The following PID1 variants were observed in gnomAD, a reference collection of about 807,000 sequenced individuals.
The protein encoded by PID1 is phosphotyrosine interaction domain containing 1, also known as PTB-containing, cubilin and LRP1-interacting protein.
A neutral mutation model predicts 19.1 loss-of-function variants in PID1; 10 were observed. The observed-to-expected ratio is 0.52, with a 90% CI of 0.32 to 0.89. The LOEUF (loss-of-function observed/expected upper bound fraction) is 0.89, where lower values mean the gene tolerates loss of function less well. Among genes scored for constraint, PID1 ranks in the 40% least tolerant of loss-of-function variants. The pLI is 0.03. For synonymous variants in PID1, 130 were observed against 116.0 expected (o/e 1.12, Z -0.78); for missense variants, 248 against 285.3 (o/e 0.87, Z 0.94).
At chr2:229,168,642 T>C (rs967444465) in intron 1 of PID1, among the ~76,000 whole-genome samples, 1 of 152,222 alleles carries the variant, frequency 6.6e-6, no homozygotes, top group African/African-American at 2.4e-5. Flanking sequence ...TTAATCATCA[T>C]TATTTTAAAT....
intron 1 of PID1, among the ~76,000 whole-genome samples, chr2:229,192,241 T>C (rs770277343): frequency 5.3e-5 from 8 of 152,168 alleles, no homozygotes; most frequent in Non-Finnish European, 1.0e-4. Flanking sequence ...TCTGCCAAGA[T>C]CTGTTTCTTT....
At chr2:229,195,439 C>T (rs1425492820) in intron 1 of PID1, among the ~76,000 whole-genome samples, 7 of 151,704 alleles carry the variant, frequency 4.6e-5, no homozygotes, top group African/African-American at 1.7e-4. Context: ...CACATATACA[C>T]ATATTACACA....
intron 2 of PID1, among the ~76,000 whole-genome samples, chr2:229,089,330 T>C (rs936695561): frequency 1.3e-5 from 2 of 152,234 alleles, no homozygotes; most frequent in Non-Finnish European, 1.5e-5. Flanking sequence ...CTTTGGTATA[T>C]TCTGTTCCTC....
rs1574763243 is a variant in PID1 at position 229,256,820 on chromosome 2, T to A, written c.30+14194A>T. ...TAAGCTACGCTCTTTGTAGTCCATA[T>A]CTCAATTAACATTCACGGCAACCAG... On this transcript the variant is annotated intron_variant, in intron 1 of 2. Transcript: ENST00000392055. Among the ~76,000 whole-genome samples the A allele has an allele frequency of 1.3e-5, 2 of 152,298 alleles. 1 individual carries two copies. Among genetic ancestry groups the A allele is most frequent in the Middle Eastern group, 6.8e-3 (2 of 294 alleles).
intron 2 of PID1, among the ~76,000 whole-genome samples, chr2:229,115,468 AAAG>A (rs1164947258): frequency 1.5e-4 from 23 of 152,032 alleles, no homozygotes; most frequent in Admixed American, 2.6e-4. Flanking sequence ...AAGAAAAACA[AAAG>A]AAGAAGAAGA....
At chr2:229,041,971 C>G (rs911073164) in intron 2 of PID1, among the ~76,000 whole-genome samples, 2 of 152,088 alleles carry the variant, frequency 1.3e-5, no homozygotes, top group Non-Finnish European at 2.9e-5. Context: ...ATATAAAGTA[C>G]AATAGTTTAC....
intron 2 of PID1, among the ~76,000 whole-genome samples, chr2:229,119,398 G>A (rs905924099): frequency 6.6e-6 from 1 of 152,194 alleles, no homozygotes; most frequent in African/African-American, 2.4e-5. Context: ...AATGGACAAT[G>A]CCTGAAGAGT....
At chr2:229,222,181 A>G (rs1691984161) in intron 1 of PID1, among the ~76,000 whole-genome samples, 3 of 152,128 alleles carry the variant, frequency 2.0e-5, no homozygotes. Flanking sequence ...TCTAACTTCT[A>G]TTCAACCTGA....
intron 2 of PID1, among the ~76,000 whole-genome samples, chr2:229,082,896 G>A (rs1219909095): frequency 6.6e-6 from 1 of 151,882 alleles, no homozygotes; most frequent in Admixed American, 6.6e-5. Context: ...GTCATTTTAA[G>A]CTGAAAAAGT....
At chr2:229,238,157 CT>C (rs1346288537) in intron 1 of PID1, among the ~76,000 whole-genome samples, 1 of 152,072 alleles carries the variant, frequency 6.6e-6, no homozygotes, top group Non-Finnish European at 1.5e-5. Flanking sequence ...ATAAATATAT[CT>C]TGGAGTGCAA....
chr2:229,246,304 A>T (rs1355459632), intron 1 of PID1, among the ~76,000 whole-genome samples: 2 of 152,224 alleles, frequency 1.3e-5, no homozygotes, highest in Non-Finnish European at 2.9e-5. Context: ...TAACTATGAA[A>T]TTATGCAAGT....
intron 2 of PID1, among the ~76,000 whole-genome samples, chr2:229,139,587 C>T (rs1689969049): frequency 6.6e-6 from 1 of 152,134 alleles, no homozygotes. Context: ...CTGAGAAAGT[C>T]ACTTTTCCTT....
At chr2:229,115,006 T>C (rs1022753497) in intron 2 of PID1, among the ~76,000 whole-genome samples, 2 of 152,206 alleles carry the variant, frequency 1.3e-5, no homozygotes, top group African/African-American at 4.8e-5. Flanking sequence ...TCAGAGTCTA[T>C]AACATCTTAA....
intron 2 of PID1, among the ~76,000 whole-genome samples, chr2:229,100,191 T>C (rs1035356258): frequency 2.0e-5 from 3 of 152,220 alleles, no homozygotes; most frequent in Non-Finnish European, 2.9e-5. Flanking sequence ...ATTTCTATTG[T>C]TTAAGCCGCT....
At chr2:229,244,081 G>A (rs1302710647) in intron 1 of PID1, among the ~76,000 whole-genome samples, 3 of 151,994 alleles carry the variant, frequency 2.0e-5, no homozygotes, top group Non-Finnish European at 4.4e-5. Flanking sequence ...ATAAACATAA[G>A]AATAAAGCAA....
chr2:229,234,883 T>A (rs1324732350), intron 1 of PID1, among the ~76,000 whole-genome samples: 1 of 152,150 alleles, frequency 6.6e-6, no homozygotes, highest in Non-Finnish European at 1.5e-5. Context: ...TGCTAAATAT[T>A]AAATATAAAA....
At chr2:229,185,421 CT>C (rs1273222141) in intron 1 of PID1, among the ~76,000 whole-genome samples, 2 of 152,154 alleles carry the variant, frequency 1.3e-5, no homozygotes, top group African/African-American at 2.4e-5. Context: ...GTCTTTCCCC[CT>C]GTATTAGTCT....
chr2:229,244,974 T>C (rs1689964050), intron 1 of PID1: 1 of 152,084 alleles, frequency 6.6e-6, no homozygotes, highest in Non-Finnish European at 1.5e-5. Context: ...AAGCTTCAGG[T>C]AATAGAAAGG....
chr2:229,121,812 C>T (rs572716045), intron 2 of PID1, among the ~76,000 whole-genome samples: 1 of 152,234 alleles, frequency 6.6e-6, no homozygotes, highest in South Asian at 2.1e-4. Flanking sequence ...GTGAATAAGA[C>T]TGACATGGTC....
Sources: gnomAD v4.1 joint callset for allele counts (sites outside exome capture counted in the v4.1 genomes callset) on GRCh38, gnomAD v4.1.1 for gene constraint, MANE v1.5 for transcripts, NCBI Gene and HGNC (gene_info 2026-07-23, HGNC 2026-07-21) for gene names.